SYT1: variants seen among roughly 807,000 people sequenced by gnomAD.
SYT1 encodes synaptotagmin-1.
In SYT1, 8 loss-of-function variants were observed where a neutral mutation model predicts 44.8. That is an observed-to-expected ratio of 0.18 (90% CI 0.10 to 0.32). The LOEUF is 0.32. Among genes scored for constraint, SYT1 ranks in the 10% least tolerant of loss-of-function variants. The pLI is 1.00. For synonymous variants in SYT1, 154 were observed against 188.8 expected (o/e 0.82, Z 1.51); for missense variants, 286 against 509.3 (o/e 0.56, Z 4.22).
chr12:78,966,064 G>C (rs970782263), intron 1 of SYT1, among the ~76,000 whole-genome samples: 1 of 146,114 alleles, frequency 6.8e-6, no homozygotes, highest in Non-Finnish European at 1.5e-5. Flanking sequence ...GTGATAGAAT[G>C]AGACTCTGTC....
intron 3 of SYT1, among the ~76,000 whole-genome samples, chr12:79,050,441 T>C (rs1874392080): frequency 6.6e-6 from 1 of 152,072 alleles, no homozygotes; most frequent in Non-Finnish European, 1.5e-5. Flanking sequence ...GTCATCTTTC[T>C]TTTGATTGCT....
chr12:79,219,043 A>G (rs1333283692), intron 4 of SYT1, among the ~76,000 whole-genome samples: 4 of 152,092 alleles, frequency 2.6e-5, no homozygotes, highest in Non-Finnish European at 5.9e-5. Context: ...TTTTTTGATA[A>G]TAGCCATTCT....
intron 1 of SYT1, among the ~76,000 whole-genome samples, chr12:78,904,716 G>T (rs901762765): frequency 6.6e-6 from 1 of 152,070 alleles, no homozygotes; most frequent in Non-Finnish European, 1.5e-5. Flanking sequence ...TATTATATGA[G>T]CCATAGTCTA....
chr12:79,226,761 G>C (rs59258871), intron 4 of SYT1, among the ~76,000 whole-genome samples: 1 of 152,064 alleles, frequency 6.6e-6, no homozygotes, highest in Admixed American at 6.5e-5. Flanking sequence ...TTTATTAAAA[G>C]TGTGTAATAG....
chr12:79,388,604 G>A (rs952946391), intron 9 of SYT1, among the ~76,000 whole-genome samples: 1 of 152,036 alleles, frequency 6.6e-6, no homozygotes, highest in Non-Finnish European at 1.5e-5. Context: ...CCAGCTACAA[G>A]GGAGGCTGAG....
At chr12:79,219,782 C>T (rs955338236) in intron 4 of SYT1, among the ~76,000 whole-genome samples, 3 of 151,928 alleles carry the variant, frequency 2.0e-5, no homozygotes, top group Admixed American at 6.6e-5. Context: ...TACTATATTT[C>T]GAAGTCAGGT....
intron 9 of SYT1, among the ~76,000 whole-genome samples, chr12:79,424,401 A>C (rs1869309260): frequency 6.6e-6 from 1 of 152,098 alleles, no homozygotes; most frequent in East Asian, 1.9e-4. Context: ...GGATTTGTTC[A>C]TTATTTGTAT....
intron 4 of SYT1, among the ~76,000 whole-genome samples, chr12:79,261,105 T>TA (rs909792532): frequency 1.3e-5 from 2 of 152,178 alleles, no homozygotes; most frequent in African/African-American, 4.8e-5. Context: ...AGTAGTCTTA[T>TA]AAAAACATGC....
intron 6 of SYT1, among the ~76,000 whole-genome samples, chr12:79,295,399 T>TA (rs1243646617): frequency 2.0e-5 from 3 of 152,158 alleles, no homozygotes; most frequent in East Asian, 3.8e-4. Flanking sequence ...TACTCACCAT[T>TA]AAAAAACCTC....
chr12:79,407,414 G>A (rs531778886), intron 9 of SYT1, among the ~76,000 whole-genome samples: 2 of 152,114 alleles, frequency 1.3e-5, no homozygotes, highest in Admixed American at 6.6e-5. Context: ...CCATGCCTTC[G>A]TCTCACTTCC....
rs367627907 is a variant in SYT1, at chr12:79,018,777, G to C, written c.-83-28520G>C. ...AAGACTGGGTTCTTTGAGAGTTAAA[G>C]AGTTTCCTTCTAATAATTTGGGAAA... On this transcript the variant is annotated intron_variant, in intron 2 of 10. Transcript: ENST00000261205. 1.1e-4 allele frequency among the ~76,000 whole-genome samples: 16 copies of C among 152,112 alleles called. 1 individual carries two copies. The highest frequency in any genetic ancestry group is 5.8e-4 in the East Asian group (3 of 5,148).
intron 6 of SYT1, among the ~76,000 whole-genome samples, chr12:79,292,806 G>C (rs531250692): frequency 5.3e-5 from 8 of 152,256 alleles, no homozygotes; most frequent in Non-Finnish European, 7.4e-5. Context: ...ATGTCACCTA[G>C]ATGAATGATA....
rs374594435 is a variant in SYT1, at chr12:79,341,845, T to G, written c.811-11657T>G. 7.2e-4 allele frequency among the ~76,000 whole-genome samples: 110 copies of G among 151,926 alleles called. 2 individuals are homozygous for G. Among genetic ancestry groups the G allele is most frequent in the African/African-American group, 2.5e-3 (105 of 41,456 alleles). On this transcript the variant is annotated intron_variant, in intron 8 of 10. Transcript: ENST00000261205. ...CACCATGCCCAGCTAATTTTTTGTA[T>G]TTTTAGTAGAGACGGAGTTTCACCG...
intron 9 of SYT1, among the ~76,000 whole-genome samples, chr12:79,430,972 C>T (rs1335973928): frequency 6.6e-6 from 1 of 152,196 alleles, no homozygotes; most frequent in Non-Finnish European, 1.5e-5. Context: ...ATAACAGACA[C>T]TCAGTGAGTG....
intron 3 of SYT1, among the ~76,000 whole-genome samples, chr12:79,215,812 G>A (rs1359260428): frequency 6.7e-6 from 1 of 150,006 alleles, no homozygotes; most frequent in Admixed American, 6.7e-5. Context: ...TTTTGATTAA[G>A]ATTTTAATAA....
intron 3 of SYT1, among the ~76,000 whole-genome samples, chr12:79,061,661 C>A (rs564881340): frequency 1.6e-4 from 25 of 152,178 alleles, no homozygotes; most frequent in African/African-American, 6.0e-4. Flanking sequence ...TCTTTGGATG[C>A]CAGCAGGTAG....
intron 3 of SYT1, among the ~76,000 whole-genome samples, chr12:79,057,562 A>G (rs557789357): frequency 2.6e-5 from 4 of 152,060 alleles, no homozygotes; most frequent in Non-Finnish European, 5.9e-5. Flanking sequence ...CCTAGGAAGT[A>G]ATATATTTTT....
At chr12:79,308,923 A>C (rs144051074) in intron 8 of SYT1, among the ~76,000 whole-genome samples, 1,651 of 152,366 alleles carry the variant, frequency 0.011, 27 homozygotes, top group African/African-American at 0.036. Context: ...GTTTTATAGA[A>C]TATCACTTGG....
intron 4 of SYT1, among the ~76,000 whole-genome samples, chr12:79,257,153 A>G (rs768620914): frequency 3.3e-5 from 5 of 152,348 alleles, no homozygotes; most frequent in Non-Finnish European, 5.9e-5. Context: ...AAAACCCATC[A>G]GATATTATAA....
Sources: gnomAD v4.1 joint callset for allele counts (sites outside exome capture counted in the v4.1 genomes callset) on GRCh38, gnomAD v4.1.1 for gene constraint, MANE v1.5 for transcripts, NCBI Gene and HGNC (gene_info 2026-07-23, HGNC 2026-07-21) for gene names.